Variants in EVA1C observed in about 807,000 individuals in gnomAD.
EVA1C encodes the protein eva-1 homolog C.
A neutral mutation model predicts 45.4 loss-of-function variants in EVA1C; 25 were observed. The observed-to-expected ratio is 0.55, with a 90% confidence interval of 0.40 to 0.77. The LOEUF (loss-of-function observed/expected upper bound fraction) is 0.77. Ranked by LOEUF, EVA1C falls within the 30% of genes least tolerant of loss-of-function variation. The pLI, the probability that EVA1C is intolerant of heterozygous loss-of-function variation, is 0.00. For synonymous variants in EVA1C, 190 were observed against 221.2 expected (o/e 0.86, Z 1.25); for missense variants, 479 against 554.8 (o/e 0.86, Z 1.37).
In EVA1C at chr21:32,501,416, T is replaced by C. The variant is rs1347197204; in HGVS notation, c.780T>C (p.Val260=). ...KKYLTVTYAC[V]PKNILTAIDP... The stretch of plus-strand genomic sequence containing the variant: ...AAATATTTCTTTTTTGGCTTTTAGT[T>C]CCCAAGAACATACTCACAGCGATTG... The change falls in exon 6 of 8, where the codon GTT becomes GTC. Residue 260 remains valine (V), a splice_region_variant and synonymous_variant. Transcript: ENST00000300255. 6.3e-6 allele frequency: 10 copies of C among 1,585,322 alleles called. No homozygotes were observed. In the East Asian group the frequency reaches 2.2e-4, roughly 35 times the overall value.
At chr21:32,471,785 C>G (rs1399566748) in intron 4 of EVA1C, among the ~76,000 whole-genome samples, 1 of 151,940 alleles carries the variant, frequency 6.6e-6, no homozygotes, top group Non-Finnish European at 1.5e-5. Flanking sequence ...CCCGCCACCA[C>G]GCCCCACTAT....
chr21:32,457,224 C>A (rs1291998140), intron 2 of EVA1C, among the ~76,000 whole-genome samples: 1 of 152,180 alleles, frequency 6.6e-6, no homozygotes, highest in Non-Finnish European at 1.5e-5. Context: ...AGCTAGGGGA[C>A]CCCGCTCGAA....
At chr21:32,507,451 C>CGTGTGCGT (rs1015406410) in intron 7 of EVA1C, among the ~76,000 whole-genome samples, 9 of 139,590 alleles carry the variant, frequency 6.4e-5, no homozygotes, top group Non-Finnish European at 1.4e-4. Context: ...GGTGTCTATG[C>CGTGTGCGT]GTGTGCGTGT....
chr21:32,464,507 G>A (rs1165030164), intron 3 of EVA1C, among the ~76,000 whole-genome samples: 1 of 152,006 alleles, frequency 6.6e-6, no homozygotes, highest in Non-Finnish European at 1.5e-5. Context: ...ACAAAGTCAT[G>A]GAAATTTACA....
At chr21:32,507,713 T>G (rs2037789128) in intron 7 of EVA1C, among the ~76,000 whole-genome samples, 1 of 151,996 alleles carries the variant, frequency 6.6e-6, no homozygotes, top group Non-Finnish European at 1.5e-5. Context: ...TGCACGTGTG[T>G]GTGCATGTGT....
At chr21:32,467,450 T>C (rs887968483) in intron 3 of EVA1C, among the ~76,000 whole-genome samples, 3 of 152,120 alleles carry the variant, frequency 2.0e-5, no homozygotes, top group African/African-American at 7.2e-5. Flanking sequence ...CGCCAGCACC[T>C]CTCCTCCATT....
intron 4 of EVA1C, among the ~76,000 whole-genome samples, chr21:32,485,576 G>A (rs1029463450): frequency 1.3e-5 from 2 of 151,994 alleles, no homozygotes; most frequent in Non-Finnish European, 2.9e-5. Flanking sequence ...CTCATGGGCC[G>A]GCTCCTCAAG....
At chr21:32,437,658 G>T (rs774033946) in intron 1 of EVA1C, among the ~76,000 whole-genome samples, 1 of 152,100 alleles carries the variant, frequency 6.6e-6, no homozygotes, top group Non-Finnish European at 1.5e-5. Flanking sequence ...GCTACTTGAG[G>T]GTGATTTCCA....
At chr21:32,477,136 C>A (rs1255760848) in intron 4 of EVA1C, among the ~76,000 whole-genome samples, 1 of 152,108 alleles carries the variant, frequency 6.6e-6, no homozygotes, top group Non-Finnish European at 1.5e-5. Flanking sequence ...GGGACACATC[C>A]CAGCAAGTCT....
intron 5 of EVA1C, among the ~76,000 whole-genome samples, chr21:32,500,233 T>C (rs979439834): frequency 1.8e-4 from 25 of 137,990 alleles, no homozygotes; most frequent in African/African-American, 6.3e-4. Context: ...AGTCTTTCTC[T>C]GTCACCCAGG....
At chr21:32,432,553 C>T (rs1170411608) in intron 1 of EVA1C, among the ~76,000 whole-genome samples, 2 of 152,042 alleles carry the variant, frequency 1.3e-5, no homozygotes, top group Non-Finnish European at 2.9e-5. Flanking sequence ...GCGAGAGGGG[C>T]ATGGGAGAGT....
chr21:32,442,228 A>T (rs1278400179), intron 1 of EVA1C, among the ~76,000 whole-genome samples: 1 of 152,206 alleles, frequency 6.6e-6, no homozygotes, highest in East Asian at 1.9e-4. Context: ...AAGAGTTGTC[A>T]TAGCTATCCT....
At chr21:32,436,871 A>G (rs1280659794) in intron 1 of EVA1C, among the ~76,000 whole-genome samples, 1 of 152,188 alleles carries the variant, frequency 6.6e-6, no homozygotes, top group African/African-American at 2.4e-5. Flanking sequence ...GATAAAACAT[A>G]GATTCAGGCT....
At chr21:32,422,691 A>G (rs1218802137) in intron 1 of EVA1C, among the ~76,000 whole-genome samples, 2 of 152,164 alleles carry the variant, frequency 1.3e-5, no homozygotes, top group Non-Finnish European at 2.9e-5. Context: ...AAAAACAACC[A>G]TCAGTCCTGA....
rs1555847621 is a variant in EVA1C, at chr21:32,416,712, A to AGGAAG, written c.160+3706_160+3710dup. 6.6e-5 allele frequency among the ~76,000 whole-genome samples: 10 copies of AGGAAG among 152,278 alleles called. No individual in the cohort carries two copies. The South Asian group carries it at 1.4e-3, about 22-fold the overall frequency. On this transcript the variant is annotated intron_variant, in intron 1 of 7. Transcript: ENST00000300255. ...GGCTTCTAGGTAGAGGTGGGGAGGA[A>AGGAAG]GGAAGGGAAGGAAAGGGTAGAAAGT...
chr21:32,508,850 G>A (rs1176952032), intron 7 of EVA1C, among the ~76,000 whole-genome samples: 4 of 152,148 alleles, frequency 2.6e-5, no homozygotes, highest in Non-Finnish European at 5.9e-5. Flanking sequence ...AAGGCCATAG[G>A]TCCCCCTTCA....
Position 32,480,302 on chromosome 21 carries a change from T to TA in EVA1C, c.634+12468dup, listed in dbSNP as rs56902183. ...GTTGACAGAGCAAGGCCCTGTCTCT[T>TA]AAAAAAAAAAAAAAGGTACCGAGTT... is the stretch of plus-strand genomic sequence containing the variant. On this transcript the variant is annotated intron_variant, in intron 4 of 7. Coordinates refer to ENST00000300255, the MANE Select transcript of EVA1C (RefSeq NM_058187.5). Among the ~76,000 whole-genome samples, 136 of 105,166 alleles carry TA rather than the reference T, an allele frequency of 1.3e-3. 4 individuals carry two copies. The highest frequency in any genetic ancestry group is 1.6e-3 in the East Asian group (5 of 3,180). 69.0% of individuals were successfully genotyped at this position (105,166 alleles called of 152,430 possible). A position where few individuals can be genotyped will look rare whatever the true frequency, so the allele number is the denominator to read the frequency against.
intron 4 of EVA1C, among the ~76,000 whole-genome samples, chr21:32,483,421 T>C (rs1809930596): frequency 6.6e-6 from 1 of 152,204 alleles, no homozygotes; most frequent in Admixed American, 6.5e-5. Context: ...AATAGACTTC[T>C]TGACTTGCTG....
intron 3 of EVA1C, among the ~76,000 whole-genome samples, chr21:32,458,429 G>T (rs1166652549): frequency 6.6e-6 from 1 of 151,392 alleles, no homozygotes; most frequent in East Asian, 1.9e-4. Flanking sequence ...TGCACACTTT[G>T]TTGCAAAGAA....
Sources: allele counts gnomAD v4.1 joint callset (sites outside exome capture counted in the v4.1 genomes callset), GRCh38; gene constraint gnomAD v4.1.1; transcripts MANE v1.5; gene names NCBI Gene and HGNC (gene_info 2026-07-23, HGNC 2026-07-21).